EXOC4: variants seen among roughly 807,000 people sequenced by gnomAD.
The protein encoded by EXOC4 is SEC8-like 1.
Under a neutral mutation model 107.2 loss-of-function variants are expected in EXOC4, and 71 were observed. The observed-to-expected ratio is 0.66, with a 90% CI of 0.55 to 0.81. The LOEUF (loss-of-function observed/expected upper bound fraction) is 0.81. Ranked by LOEUF, EXOC4 falls within the 30% of genes least tolerant of loss-of-function variation. EXOC4 has a pLI of 0.00. For synonymous variants in EXOC4, 456 were observed against 441.2 expected (o/e 1.03, Z -0.42); for missense variants, 1,108 against 1,189.6 (o/e 0.93, Z 1.01).
intron 7 of EXOC4, among the ~76,000 whole-genome samples, chr7:133,402,652 C>T (rs935328249): frequency 6.6e-6 from 1 of 152,142 alleles, no homozygotes; most frequent in Non-Finnish European, 1.5e-5. Context: ...GCATGCGCTA[C>T]CACACCCAGC....
Position 133,630,320 on chromosome 7 carries a change from A to G in EXOC4, c.1514+179A>G, listed in dbSNP as rs975575961. The G allele has an allele frequency of 5.8e-6, 3 of 518,492 alleles. No homozygotes were observed. In the Admixed American group the frequency reaches 9.7e-5, roughly 17 times the overall value. 32.1% of individuals were successfully genotyped at this position (518,492 alleles called of 1,614,324 possible). On this transcript the variant is annotated intron_variant, in intron 10 of 17. Coordinates refer to ENST00000253861, the MANE Select transcript of EXOC4 (RefSeq NM_021807.4). The stretch of plus-strand genomic sequence containing the variant: ...GCAGATAATCTCAATCCCACTGAGT[A>G]GCTACTTATTTTCAGGAGTAAATAC...
At chr7:133,503,708 T>C (rs1311010382) in intron 9 of EXOC4, among the ~76,000 whole-genome samples, 2 of 152,202 alleles carry the variant, frequency 1.3e-5, no homozygotes, top group African/African-American at 4.8e-5. Context: ...TTTATAGTTA[T>C]ATTTATGGAT....
the EXOC4 span, among the ~76,000 whole-genome samples, chr7:134,091,683 G>C: frequency 6.6e-6 from 1 of 152,258 alleles, no homozygotes; most frequent in Non-Finnish European, 1.5e-5. Flanking sequence ...GACAAAGAAG[G>C]CTTCCAAAAG....
At chr7:134,072,982 A>G in the EXOC4 span, among the ~76,000 whole-genome samples, 3 of 151,600 alleles carry the variant, frequency 2.0e-5, no homozygotes, top group South Asian at 2.1e-4. Flanking sequence ...AGGCAGGTGG[A>G]TCACTTGAGG....
chr7:133,907,562 G>C (rs1314383800), intron 12 of EXOC4, among the ~76,000 whole-genome samples: 1 of 152,132 alleles, frequency 6.6e-6, no homozygotes. Context: ...GGCCAGGCAG[G>C]CAGGGTGGCT....
chr7:133,879,772 T>C (rs1313050050), intron 11 of EXOC4, among the ~76,000 whole-genome samples: 1 of 152,184 alleles, frequency 6.6e-6, no homozygotes, highest in African/African-American at 2.4e-5. Context: ...CTTTAATATT[T>C]GTTATGGTTC....
At chr7:133,916,506 C>CA (rs78760283) in intron 12 of EXOC4, among the ~76,000 whole-genome samples, 70,956 of 151,976 alleles carry the variant, frequency 0.47, 17,875 homozygotes, top group African/African-American at 0.65. Flanking sequence ...TGGCCTCAAG[C>CA]AATCCTCCTG....
intron 11 of EXOC4, among the ~76,000 whole-genome samples, chr7:133,839,484 A>G (rs753907352): frequency 1.1e-4 from 17 of 152,246 alleles, no homozygotes; most frequent in Admixed American, 2.6e-4. Flanking sequence ...TATGCTCTTA[A>G]TAAATTCATT....
In EXOC4 at chr7:133,937,842, A is replaced by G. The variant is rs780825706; in HGVS notation, c.2028-49A>G. ...GCCTAAAACAGTGTTGCCCGGTCCT[A>G]CCTTTTCCATGCTGTATATATGAAG... On this transcript the variant is annotated intron_variant, in intron 13 of 17. Transcript: ENST00000253861. 9 of 1,594,574 alleles carry G rather than the reference A, an allele frequency of 5.6e-6. No homozygotes were observed. In the South Asian group the frequency reaches 6.7e-5, roughly 12 times the overall value.
At chr7:133,415,737 T>C (rs1797460153) in intron 7 of EXOC4, among the ~76,000 whole-genome samples, 1 of 152,156 alleles carries the variant, frequency 6.6e-6, no homozygotes, top group Non-Finnish European at 1.5e-5. Flanking sequence ...TTTGTTAAAA[T>C]TGTGGTGCTA....
At chr7:133,576,750 A>T (rs1356112357) in intron 9 of EXOC4, 2 of 1,289,734 alleles carry the variant, frequency 1.6e-6, no homozygotes, top group South Asian at 2.5e-5. Flanking sequence ...TCTACAGGGT[A>T]CTATTGGAGA....
chr7:133,425,266 C>A (rs1158868885), intron 7 of EXOC4, among the ~76,000 whole-genome samples: 1 of 152,142 alleles, frequency 6.6e-6, no homozygotes, highest in East Asian at 1.9e-4. Flanking sequence ...TTTGAATGGA[C>A]TTCCTCCTCA....
intron 14 of EXOC4, among the ~76,000 whole-genome samples, chr7:133,965,486 A>G (rs1801043486): frequency 6.6e-6 from 1 of 152,190 alleles, no homozygotes; most frequent in African/African-American, 2.4e-5. Flanking sequence ...TCTTTAATCC[A>G]TCTTGACTTA....
At chr7:133,517,547 A>G (rs1464767574) in intron 9 of EXOC4, among the ~76,000 whole-genome samples, 1 of 152,198 alleles carries the variant, frequency 6.6e-6, no homozygotes, top group Non-Finnish European at 1.5e-5. Context: ...CCTCACAATC[A>G]TGGCTGAAGG....
intron 7 of EXOC4, among the ~76,000 whole-genome samples, chr7:133,439,247 C>T (rs184908055): frequency 1.2e-4 from 15 of 120,062 alleles, no homozygotes; most frequent in Non-Finnish European, 1.4e-4. Flanking sequence ...TGCAGTGGGG[C>T]GATCTCGGCT....
At position 133,362,840 on chromosome 7, in the gene EXOC4, T is replaced by C. The variant is rs138797140; in HGVS notation, c.1007+6267T>C. ...CATTTCGTTTTATCTCTTCTTTCTATATTAGTTACCCTTCTTCTAAGTATC... is the reference window on the plus strand; with the variant it reads ...CATTTCGTTTTATCTCTTCTTTCTACATTAGTTACCCTTCTTCTAAGTATC... On this transcript the variant is annotated intron_variant, in intron 6 of 17. Coordinates refer to ENST00000253861, the MANE Select transcript of EXOC4 (RefSeq NM_021807.4). Among the ~76,000 whole-genome samples the C allele has an allele frequency of 5.9e-5, 9 of 152,368 alleles. No individual in the cohort carries two copies. The East Asian group carries it at 1.7e-3, about 29-fold the overall frequency.
intron 7 of EXOC4, among the ~76,000 whole-genome samples, chr7:133,410,326 A>G (rs1028953177): frequency 2.6e-5 from 4 of 152,198 alleles, no homozygotes; most frequent in African/African-American, 9.7e-5. Flanking sequence ...TAGGGAAATT[A>G]AGAGTTTTGT....
At chr7:133,638,744 G>C (rs1019636213) in intron 10 of EXOC4, among the ~76,000 whole-genome samples, 3 of 152,076 alleles carry the variant, frequency 2.0e-5, no homozygotes, top group African/African-American at 4.8e-5. Flanking sequence ...GCTTTCTTCT[G>C]TTGTAAAAGC....
chr7:133,336,707 T>A (rs963591618), intron 5 of EXOC4, among the ~76,000 whole-genome samples: 2 of 49,698 alleles, frequency 4.0e-5, no homozygotes, highest in African/African-American at 1.6e-4. Context: ...TTATTTTATT[T>A]TATTTTATTT....
Sources: gnomAD v4.1 joint callset for allele counts (sites outside exome capture counted in the v4.1 genomes callset) on GRCh38, gnomAD v4.1.1 for gene constraint, MANE v1.5 for transcripts, NCBI Gene and HGNC (gene_info 2026-07-23, HGNC 2026-07-21) for gene names.